Variants in OTOGL observed in about 807,000 individuals in gnomAD.
OTOGL encodes otogelin-like protein.
A neutral mutation model predicts 318.5 loss-of-function variants in OTOGL; 285 were observed. The observed-to-expected ratio is 0.89, with a 90% confidence interval of 0.81 to 0.99. OTOGL has a LOEUF of 0.99. OTOGL is among the 50% of genes least tolerant of loss of function. The pLI, the probability that OTOGL is intolerant of heterozygous loss-of-function variation, is 0.00. For synonymous variants in OTOGL, 987 were observed against 936.5 expected (o/e 1.05, Z -0.99); for missense variants, 2,899 against 2,845.6 (o/e 1.02, Z -0.43).
At position 80,355,907 on chromosome 12, in the gene OTOGL, G is replaced by A; in HGVS notation, c.5765G>A (p.Gly1922Asp). 6.2e-7 allele frequency: 1 copy of A among 1,613,910 alleles called. No individual in the cohort carries two copies. The highest frequency in any genetic ancestry group is 1.1e-5 in the South Asian group (1 of 91,082). Residue 1922 changes from glycine to aspartate, a missense_variant, in exon 47 of 59, where the codon GGC (glycine) becomes GAC (aspartate). Coordinates refer to ENST00000547103, the MANE Select transcript of OTOGL (RefSeq NM_001378609.3). The stretch of plus-strand genomic sequence containing the variant: ...GAACGAGAAGCTGAAGTTGTCATGG[G>A]CATCATTGATAAATGGACCTGCTGT... Reference protein sequence around the residue: ...VCEREAEVVMGIIDKWTCCSK... With the variant: ...VCEREAEVVMDIIDKWTCCSK...
chr12:80,133,032 CTT>C (rs1024058861), intron 1 of OTOGL, among the ~76,000 whole-genome samples: 1 of 152,084 alleles, frequency 6.6e-6, no homozygotes, highest in African/African-American at 2.4e-5. Context: ...ATTCCATTAA[CTT>C]ATTTTAAGTT....
In OTOGL at chr12:80,341,944, C is replaced by G; in HGVS notation, c.5051-4C>G. On this transcript the variant is annotated splice_region_variant and splice_polypyrimidine_tract_variant and intron_variant, in intron 43 of 58. Coordinates refer to ENST00000547103, the MANE Select transcript of OTOGL (RefSeq NM_001378609.3). ...TTCTTCTAACTGTCATATATTCTTT[C>G]AAGGAATTTGCAATGAAGATCCGGA... 1 of 1,587,626 alleles carries G rather than the reference C, an allele frequency of 6.3e-7. No individual in the cohort carries two copies.
At chr12:80,296,224 G>A (rs187978450) in intron 26 of OTOGL, among the ~76,000 whole-genome samples, 2 of 152,234 alleles carry the variant, frequency 1.3e-5, no homozygotes, top group African/African-American at 4.8e-5. Flanking sequence ...TTAACAAAGC[G>A]ACCTTAGATA....
At position 80,258,012 on chromosome 12, in the gene OTOGL, AT is replaced by A. The variant is rs1203168608; in HGVS notation, c.1889+13del. On this transcript the variant is annotated intron_variant, in intron 18 of 58. Coordinates refer to ENST00000547103, the MANE Select transcript of OTOGL (RefSeq NM_001378609.3). ...TAAGGGATGATTTTCTGTAAGTATG[AT>A]TTCTGCATAGTTAACATACTTAATG... 1 of 1,566,286 alleles carries A rather than the reference AT, an allele frequency of 6.4e-7. No homozygotes were observed. The highest frequency in any genetic ancestry group is 1.2e-5 in the South Asian group (1 of 84,844).
chr12:80,250,230 A>C (rs1881413084), intron 11 of OTOGL, among the ~76,000 whole-genome samples: 1 of 152,110 alleles, frequency 6.6e-6, no homozygotes, highest in South Asian at 2.1e-4. Context: ...TTTCCTATTA[A>C]AGTTATCATT....
chr12:80,299,988 T>C (rs1885654089), intron 27 of OTOGL, among the ~76,000 whole-genome samples: 1 of 152,172 alleles, frequency 6.6e-6, no homozygotes, highest in African/African-American at 2.4e-5. Flanking sequence ...GATGTGCTTT[T>C]GTATCAGGAT....
At chr12:80,222,389 A>G in intron 7 of OTOGL, 144 bp downstream of exon 7, 1 of 872,310 alleles carries the variant, frequency 1.1e-6, no homozygotes, top group Non-Finnish European at 1.7e-6. Context: ...TCAGTTACGA[A>G]CCATATTACT....
intron 29 of OTOGL, among the ~76,000 whole-genome samples, chr12:80,308,143 G>T (rs1346197396): frequency 1.3e-5 from 2 of 149,044 alleles, no homozygotes; most frequent in Non-Finnish European, 3.0e-5. Flanking sequence ...CCGGGCGGGG[G>T]GCTGACACCC....
chr12:80,104,770 A>G (rs1345212309), intron 1 of OTOGL, among the ~76,000 whole-genome samples: 1 of 152,150 alleles, frequency 6.6e-6, no homozygotes, highest in East Asian at 1.9e-4. Flanking sequence ...TGGTAAATTC[A>G]TAATTTTTAT....
chr12:80,320,618 C>A lies in OTOGL; in HGVS notation c.3999C>A (p.Ile1333=). The change falls in exon 34 of 59, where the codon ATC becomes ATA. Residue 1333 remains isoleucine (I), a synonymous_variant. Coordinates refer to ENST00000547103, the MANE Select transcript of OTOGL (RefSeq NM_001378609.3). ...FELYSKKGFF[I]IFTDSSVKAS... ...TATACAGCAAGAAAGGCTTTTTCAT[C>A]ATATTCACAGATTCTAGTGTCAAAG... The A allele has an allele frequency of 6.2e-7, 1 of 1,611,364 alleles. No individual in the cohort carries two copies. Among genetic ancestry groups the A allele is most frequent in the Non-Finnish European group, 8.5e-7 (1 of 1,178,508 alleles).
At chr12:80,106,017 C>T (rs1410745182) in intron 1 of OTOGL, among the ~76,000 whole-genome samples, 2 of 152,154 alleles carry the variant, frequency 1.3e-5, no homozygotes, top group Non-Finnish European at 2.9e-5. Context: ...TGTCATATGA[C>T]ATCACTAAAA....
chr12:80,370,220 A>G (rs1566021813), intron 55 of OTOGL, among the ~76,000 whole-genome samples: 1 of 151,988 alleles, frequency 6.6e-6, no homozygotes, highest in Non-Finnish European at 1.5e-5. Context: ...AAGACCTTTG[A>G]CACTTGGTTA....
intron 1 of OTOGL, among the ~76,000 whole-genome samples, chr12:80,117,254 G>A (rs1381000030): frequency 1.1e-5 from 1 of 87,430 alleles, no homozygotes; most frequent in Non-Finnish European, 2.3e-5. Context: ...CTATCTCTGG[G>A]TGACTTAAAA....
chr12:80,123,200 C>G (rs1296476139), intron 1 of OTOGL, among the ~76,000 whole-genome samples: 1 of 151,886 alleles, frequency 6.6e-6, no homozygotes, highest in Non-Finnish European at 1.5e-5. Flanking sequence ...CACCCCACAA[C>G]AGGCCCCAGT....
At chr12:80,224,368 T>C (rs1878631665) in intron 7 of OTOGL, among the ~76,000 whole-genome samples, 1 of 152,164 alleles carries the variant, frequency 6.6e-6, no homozygotes, top group African/African-American at 2.4e-5. Flanking sequence ...TCAAACTTTG[T>C]TCTTTTTGCT....
At chr12:80,134,410 A>G (rs552364220) in intron 1 of OTOGL, among the ~76,000 whole-genome samples, 3 of 152,248 alleles carry the variant, frequency 2.0e-5, no homozygotes, top group African/African-American at 7.2e-5. Flanking sequence ...ATTTCATGAC[A>G]CTTGTCAGAT....
Position 80,366,647 on chromosome 12 carries a change from T to C in OTOGL, c.6331+10T>C, listed in dbSNP as rs762584696. ...ATACAGTATCTCTGTGGTAACTATG[T>C]CTTTTGTAACTTTTAAATTATAAAT... is the stretch of plus-strand genomic sequence containing the variant. On this transcript the variant is annotated intron_variant, in intron 53 of 58. Transcript: ENST00000547103. The C allele has an allele frequency of 2.3e-6, 3 of 1,326,760 alleles. No individual in the cohort carries two copies. In the South Asian group the frequency reaches 5.6e-5, roughly 25 times the overall value. The allele number at this position is 1,326,760 out of a possible 1,614,324, so 82.2% of individuals were successfully genotyped here. A position where few individuals can be genotyped will look rare whatever the true frequency, so the allele number is the denominator to read the frequency against.
chr12:80,241,748 T>C (rs1343695515), intron 11 of OTOGL, among the ~76,000 whole-genome samples: 8 of 152,162 alleles, frequency 5.3e-5, no homozygotes, highest in African/African-American at 1.9e-4. Flanking sequence ...TTAAATGGAA[T>C]GTTTATATTT....
intron 22 of OTOGL, among the ~76,000 whole-genome samples, chr12:80,268,340 T>C (rs183570141): frequency 5.5e-4 from 84 of 152,242 alleles, no homozygotes; most frequent in African/African-American, 1.9e-3. Context: ...ATAGGCAATG[T>C]TGTTTTATCC....
Sources: gnomAD v4.1 joint callset for allele counts (sites outside exome capture counted in the v4.1 genomes callset) on GRCh38, gnomAD v4.1.1 for gene constraint, MANE v1.5 for transcripts, NCBI Gene and HGNC (gene_info 2026-07-23, HGNC 2026-07-21) for gene names.